Variants in VAT1L observed in about 807,000 individuals in gnomAD.
VAT1L encodes vesicle amine transport 1 like, also known as putative NADPH-dependent quinone oxidoreductase VAT1L.
A neutral mutation model predicts 44.1 loss-of-function variants in VAT1L; 34 were observed. The observed-to-expected ratio is 0.77, with a 90% CI of 0.59 to 1.03. VAT1L has a LOEUF of 1.03. Among genes scored for constraint, VAT1L ranks in the 50% least tolerant of loss-of-function variants. The probability of loss-of-function intolerance (pLI) is 0.00; values close to 1 mark genes in which losing one functional copy is unlikely to be tolerated. For synonymous variants in VAT1L, 253 were observed against 202.2 expected (o/e 1.25, Z -2.13); for missense variants, 615 against 538.8 (o/e 1.14, Z -1.40).
intron 1 of VAT1L, among the ~76,000 whole-genome samples, chr16:77,808,495 A>G (rs1235719798): frequency 2.0e-5 from 3 of 152,180 alleles, no homozygotes; most frequent in Non-Finnish European, 4.4e-5. Flanking sequence ...CATGGAAAAA[A>G]AATGTCTTCC....
chr16:77,933,384 A>G (rs2017754274), intron 7 of VAT1L, among the ~76,000 whole-genome samples: 1 of 152,260 alleles, frequency 6.6e-6, no homozygotes, highest in Admixed American at 6.5e-5. Context: ...TGATTAAATC[A>G]GAAATCCATT....
chr16:77,803,093 G>A (rs567934222), intron 1 of VAT1L, among the ~76,000 whole-genome samples: 14 of 152,316 alleles, frequency 9.2e-5, no homozygotes, highest in African/African-American at 3.4e-4. Context: ...GCTAAGCACT[G>A]AACATTGAAA....
chr16:77,976,707 A>G (rs1013337830), intron 8 of VAT1L, among the ~76,000 whole-genome samples: 1 of 152,200 alleles, frequency 6.6e-6, no homozygotes, highest in Admixed American at 6.5e-5. Flanking sequence ...CTCTTTAGAT[A>G]CATTACTCCA....
Position 77,884,202 on chromosome 16 carries a change from G to T in VAT1L, c.883-406G>T, listed in dbSNP as rs1314766332. ...AATACACCACTGTCCAAGGCGGGTG[G>T]ATCACGAGGTCAGGAGTTCAAGACC... On this transcript the variant is annotated intron_variant, in intron 6 of 8. Transcript: ENST00000302536. This position sits in a 1 kb window ranked among gnomAD's most constrained non-coding sequence, Gnocchi z 4.5. 6.6e-6 allele frequency among the ~76,000 whole-genome samples: 1 copy of T among 152,022 alleles called. No individual in the cohort carries two copies. Among genetic ancestry groups the T allele is most frequent in the African/African-American group, 2.4e-5 (1 of 41,396 alleles).
intron 3 of VAT1L, among the ~76,000 whole-genome samples, chr16:77,858,486 A>T (rs1022927652): frequency 6.6e-6 from 1 of 152,234 alleles, no homozygotes; most frequent in Admixed American, 6.5e-5. Context: ...TGTATTGAGC[A>T]TTGATTGTTC....
chr16:77,953,037 A>G (rs1014304795), intron 7 of VAT1L, among the ~76,000 whole-genome samples: 29 of 152,176 alleles, frequency 1.9e-4, no homozygotes, highest in Admixed American at 1.0e-3. Flanking sequence ...GTGGACCCTT[A>G]ATCCAACATG....
At chr16:77,795,756 G>C (rs1475723116) in intron 1 of VAT1L, among the ~76,000 whole-genome samples, 1 of 149,736 alleles carries the variant, frequency 6.7e-6, no homozygotes, top group Non-Finnish European at 1.5e-5. Flanking sequence ...TTAAAATTTT[G>C]CTTTGCCCTT....
At chr16:77,880,104 T>A (rs1284267604) in intron 6 of VAT1L, among the ~76,000 whole-genome samples, 2 of 152,150 alleles carry the variant, frequency 1.3e-5, no homozygotes, top group African/African-American at 4.8e-5. Context: ...CACTACAAAT[T>A]GACTCTGATC....
intron 7 of VAT1L, 52 bp from the exon 8 acceptor site, chr16:77,971,798 C>A: frequency 1.9e-6 from 3 of 1,570,938 alleles, no homozygotes; most frequent in South Asian, 1.2e-5. Context: ...CCCTTTTTAA[C>A]TGGGGAACAT....
chr16:77,965,990 T>G (rs1027876756), intron 7 of VAT1L, among the ~76,000 whole-genome samples: 13 of 152,164 alleles, frequency 8.5e-5, no homozygotes, highest in Non-Finnish European at 1.6e-4. Flanking sequence ...TCATCTGAAT[T>G]GAGATTTACT....
At chr16:77,797,266 C>T (rs902450762) in intron 1 of VAT1L, among the ~76,000 whole-genome samples, 3 of 152,084 alleles carry the variant, frequency 2.0e-5, no homozygotes, top group African/African-American at 4.8e-5. Flanking sequence ...CATGCACCAC[C>T]ACACCCGGCT....
At chr16:77,894,248 A>G (rs921616648) in intron 7 of VAT1L, among the ~76,000 whole-genome samples, 3 of 152,124 alleles carry the variant, frequency 2.0e-5, no homozygotes, top group Non-Finnish European at 2.9e-5. Context: ...AGGAACCACC[A>G]CGGCCATCTG....
intron 7 of VAT1L, among the ~76,000 whole-genome samples, chr16:77,967,680 C>T (rs2018237559): frequency 6.6e-6 from 1 of 152,206 alleles, no homozygotes; most frequent in African/African-American, 2.4e-5. Flanking sequence ...TTTCTCCTAG[C>T]ATCACAATAA....
intron 3 of VAT1L, among the ~76,000 whole-genome samples, chr16:77,855,654 G>A (rs533395255): frequency 6.6e-6 from 1 of 152,298 alleles, no homozygotes; most frequent in African/African-American, 2.4e-5. Flanking sequence ...TACAATGCAA[G>A]TTCCAAGACA....
intron 3 of VAT1L, among the ~76,000 whole-genome samples, chr16:77,834,523 T>C (rs952969151): frequency 2.0e-5 from 3 of 152,110 alleles, no homozygotes; most frequent in Non-Finnish European, 2.9e-5. Context: ...TCTTTCTTTC[T>C]CCCCAGTTTT....
intron 7 of VAT1L, among the ~76,000 whole-genome samples, chr16:77,897,931 C>A (rs944286719): frequency 6.6e-6 from 1 of 152,176 alleles, no homozygotes; most frequent in Admixed American, 6.5e-5. Flanking sequence ...TAACAAAGTA[C>A]CACAAGCCAA....
intron 1 of VAT1L, among the ~76,000 whole-genome samples, chr16:77,802,298 T>C (rs945337194): frequency 2.6e-5 from 4 of 152,148 alleles, no homozygotes; most frequent in Non-Finnish European, 5.9e-5. Context: ...TGAAAAGCAC[T>C]GTGAAAGTCT....
At chr16:77,922,113 A>G (rs1484335898) in intron 7 of VAT1L, among the ~76,000 whole-genome samples, 1 of 152,100 alleles carries the variant, frequency 6.6e-6, no homozygotes, top group East Asian at 1.9e-4. Flanking sequence ...CTTTCTGGAA[A>G]ATTTAAGCAT....
chr16:77,912,091 A>G (rs1397328291), intron 7 of VAT1L, among the ~76,000 whole-genome samples: 1 of 152,156 alleles, frequency 6.6e-6, no homozygotes, highest in Non-Finnish European at 1.5e-5. Flanking sequence ...TAGAAAGACA[A>G]ACATTCAGTA....
Sources: gnomAD v4.1 joint callset for allele counts (sites outside exome capture counted in the v4.1 genomes callset) on GRCh38, gnomAD v4.1.1 for gene constraint, Gnocchi (gnomAD v3.1) non-coding constraint, MANE v1.5 for transcripts, NCBI Gene and HGNC (gene_info 2026-07-23, HGNC 2026-07-21) for gene names.